SNX8: variants seen among roughly 807,000 people sequenced by gnomAD.
SNX8 encodes sorting nexin-8.
In SNX8, 25 loss-of-function variants were observed where a neutral mutation model predicts 51.6. That is an observed-to-expected ratio of 0.48 (90% confidence interval 0.35 to 0.68). The LOEUF (loss-of-function observed/expected upper bound fraction) is 0.68, where lower values mean the gene tolerates loss of function less well. Ranked by LOEUF, SNX8 falls within the 30% of genes least tolerant of loss-of-function variation. The probability of loss-of-function intolerance (pLI) is 0.00; values close to 1 mark genes in which losing one functional copy is unlikely to be tolerated. For synonymous variants in SNX8, 324 were observed against 277.0 expected, an observed-to-expected ratio of 1.17 and a Z score of -1.68; for missense variants, 695 against 624.0, an observed-to-expected ratio of 1.11 and a Z score of -1.21.
intron 1 of SNX8, among the ~76,000 whole-genome samples, chr7:2,292,355 A>G (rs1427788607): frequency 6.6e-6 from 1 of 152,158 alleles, no homozygotes; most frequent in Non-Finnish European, 1.5e-5. Context: ...TACCATTACA[A>G]AACTCTTAGC....
intron 3 of SNX8, among the ~76,000 whole-genome samples, chr7:2,274,041 G>A (rs576027784): frequency 4.6e-5 from 7 of 152,248 alleles, no homozygotes; most frequent in Non-Finnish European, 1.0e-4. Context: ...CCCAGCGCGC[G>A]TGTGCAGTTT....
intron 2 of SNX8, among the ~76,000 whole-genome samples, chr7:2,277,667 C>A (rs1795811905): frequency 6.6e-6 from 1 of 151,810 alleles, no homozygotes. Flanking sequence ...ATTTGCCAGG[C>A]GTGGTGGCGG....
intron 5 of SNX8, among the ~76,000 whole-genome samples, 182 bp downstream of exon 5, chr7:2,269,377 G>C (rs976609072): frequency 6.7e-6 from 1 of 150,216 alleles, no homozygotes; most frequent in African/African-American, 2.4e-5. Context: ...CAAACACTGC[G>C]GAAGGCCGCA....
chr7:2,339,574 A>G (rs1255838709), intron 1 of SNX8, among the ~76,000 whole-genome samples: 1 of 152,206 alleles, frequency 6.6e-6, no homozygotes, highest in Non-Finnish European at 1.5e-5. Context: ...CAATATATCT[A>G]AAGTGACAAT....
chr7:2,340,232 T>C (rs1188057048), intron 1 of SNX8, among the ~76,000 whole-genome samples: 2 of 150,502 alleles, frequency 1.3e-5, no homozygotes, highest in Non-Finnish European at 3.0e-5. Flanking sequence ...CCGGCTAATT[T>C]TCATAATTTT....
intron 1 of SNX8, among the ~76,000 whole-genome samples, chr7:2,281,478 G>A (rs544729133): frequency 2.2e-4 from 34 of 151,772 alleles, no homozygotes; most frequent in African/African-American, 6.5e-4. Context: ...GCCAGGTGAC[G>A]GACCACACAC....
chr7:2,310,269 T>A (rs1001812371), intron 1 of SNX8, among the ~76,000 whole-genome samples: 6 of 152,076 alleles, frequency 3.9e-5, no homozygotes, highest in Non-Finnish European at 8.8e-5. Flanking sequence ...AAAACCCTTA[T>A]CCTGCATAGT....
intron 7 of SNX8, among the ~76,000 whole-genome samples, chr7:2,258,427 G>A (rs971731616): frequency 1.3e-5 from 2 of 152,072 alleles, no homozygotes; most frequent in African/African-American, 2.4e-5. Flanking sequence ...CAAAGCCGGC[G>A]ACTCTCCCAA....
intron 1 of SNX8, among the ~76,000 whole-genome samples, chr7:2,343,947 C>T (rs1028046088): frequency 3.3e-5 from 5 of 150,844 alleles, no homozygotes; most frequent in East Asian, 1.9e-4. Context: ...GGAGGAGAAT[C>T]GCTTGAACTG....
intron 1 of SNX8, among the ~76,000 whole-genome samples, chr7:2,278,568 C>G (rs889522710): frequency 6.6e-6 from 1 of 152,196 alleles, no homozygotes; most frequent in Non-Finnish European, 1.5e-5. Context: ...GCAACAGGTC[C>G]CATCGTCAGC....
chr7:2,331,553 A>C (rs184955458), intron 1 of SNX8, among the ~76,000 whole-genome samples: 115 of 151,974 alleles, frequency 7.6e-4, no homozygotes, highest in African/African-American at 2.7e-3. Flanking sequence ...AAAATACAAA[A>C]AATTAGCCGG....
chr7:2,300,416 CTCTTT>C (rs1242770220), intron 1 of SNX8, among the ~76,000 whole-genome samples: 2 of 152,158 alleles, frequency 1.3e-5, no homozygotes, highest in Non-Finnish European at 2.9e-5. Context: ...AAAGCTTTCT[CTCTTT>C]TTTTTGGAGA....
intron 1 of SNX8, among the ~76,000 whole-genome samples, chr7:2,309,218 C>T (rs890248762): frequency 6.6e-6 from 1 of 152,188 alleles, no homozygotes; most frequent in East Asian, 1.9e-4. Flanking sequence ...AGCCACCACA[C>T]CCTGCTCAAA....
Position 2,278,230 on chromosome 7 carries a change from G to A in SNX8, c.170C>T (p.Pro57Leu), listed in dbSNP as rs200957287. ...GGACAGCAGCAGCGGGTTCCCCTGC[G>A]GCATCTGCATTCGACTGGGGGCTGG... The part of the protein sequence containing the change: ...QVPAPSRMQM[P>L]QGNPLLLSHT... The change falls in exon 2 of 11, where the codon CCG becomes CTG. Residue 57 changes from proline (P) to leucine (L), a missense_variant. By Grantham distance (98) the Pro-to-Leu change is moderately conservative. Coordinates refer to ENST00000222990, the MANE Select transcript of SNX8 (RefSeq NM_013321.4). 78 of 1,612,134 alleles carry A rather than the reference G, an allele frequency of 4.8e-5. 1 individual carries two copies. In the Admixed American group the frequency reaches 5.8e-4, roughly 12 times the overall value.
At chr7:2,284,851 T>C (rs1795987160) in intron 1 of SNX8, among the ~76,000 whole-genome samples, 1 of 152,196 alleles carries the variant, frequency 6.6e-6, no homozygotes, top group Non-Finnish European at 1.5e-5. Context: ...AAACACTTTC[T>C]ACCCTGGATT....
At position 2,253,242 on chromosome 7, in the gene SNX8, G is replaced by C. The variant is rs1195504001; in HGVS notation, c.*1814C>G. 1.2e-4 allele frequency: 3 copies of C among 25,938 alleles called. No homozygotes were observed. The highest frequency in any genetic ancestry group is 3.7e-4 in the Non-Finnish European group (2 of 5,364). The allele number at this position is 25,938 out of a possible 1,614,324, so 1.6% of individuals were successfully genotyped here. A position where few individuals can be genotyped will look rare whatever the true frequency, so the allele number is the denominator to read the frequency against. On this transcript the variant is annotated 3_prime_UTR_variant, in exon 11 of 11. Coordinates refer to ENST00000222990, the MANE Select transcript of SNX8 (RefSeq NM_013321.4). ...ATTCTGAAGTCTTGCTCAATCCTTG[G>C]GGGCTGTCAGGAGCGCGTGCCTTGC...
intron 1 of SNX8, among the ~76,000 whole-genome samples, chr7:2,328,605 G>C (rs1375011209): frequency 6.6e-6 from 1 of 151,794 alleles, no homozygotes; most frequent in Non-Finnish European, 1.5e-5. Flanking sequence ...TTGAGGTCAG[G>C]AGTTTGAGAC....
chr7:2,334,236 T>TGA (rs1778786186), intron 1 of SNX8, among the ~76,000 whole-genome samples: 3 of 152,060 alleles, frequency 2.0e-5, no homozygotes, highest in African/African-American at 7.2e-5. Flanking sequence ...ACCCCGTCTC[T>TGA]ACTAAAAATA....
chr7:2,305,329 GA>G (rs1272530424), intron 1 of SNX8, among the ~76,000 whole-genome samples: 1 of 152,092 alleles, frequency 6.6e-6, no homozygotes, highest in East Asian at 1.9e-4. Flanking sequence ...ATTATCTTAG[GA>G]ACCTCAGGTT....
Sources: allele counts gnomAD v4.1 joint callset (sites outside exome capture counted in the v4.1 genomes callset), GRCh38; gene constraint gnomAD v4.1.1; transcripts MANE v1.5; gene names NCBI Gene and HGNC (gene_info 2026-07-23, HGNC 2026-07-21).